Variants in FHIT observed in about 807,000 individuals in gnomAD.
FHIT encodes the protein fragile histidine triad diadenosine triphosphatase.
In FHIT, 19 loss-of-function variants were observed where a neutral mutation model predicts 17.9. The observed-to-expected ratio is 1.06, with a 90% CI of 0.74 to 1.56. FHIT has a LOEUF of 1.56. Among genes scored for constraint, FHIT ranks in the 40% most tolerant of loss-of-function variants. FHIT has a pLI of 0.00. For synonymous variants in FHIT, 81 were observed against 69.7 expected, an observed-to-expected ratio of 1.16 and a Z score of -0.81; for missense variants, 248 against 189.2, an observed-to-expected ratio of 1.31 and a Z score of -1.82.
intron 5 of FHIT, among the ~76,000 whole-genome samples, chr3:60,483,738 A>T (rs1348216665): frequency 6.6e-6 from 1 of 152,146 alleles, no homozygotes; most frequent in Admixed American, 6.5e-5. Context: ...AATGGGTAAA[A>T]CCTGGAAGCA....
intron 4 of FHIT, among the ~76,000 whole-genome samples, chr3:60,679,377 C>T (rs1357161006): frequency 4.6e-5 from 7 of 152,156 alleles, no homozygotes; most frequent in Admixed American, 2.0e-4. Context: ...TACAGAAAAA[C>T]ATTTTTAAAA....
chr3:59,845,649 A>T (rs968060612), intron 8 of FHIT, among the ~76,000 whole-genome samples: 2 of 152,070 alleles, frequency 1.3e-5, no homozygotes, highest in African/African-American at 4.8e-5. Context: ...CACTCTGTAC[A>T]ATGTCTGTCT....
intron 3 of FHIT, among the ~76,000 whole-genome samples, chr3:60,967,870 AG>A (rs1251694251): frequency 2.6e-5 from 4 of 152,248 alleles, no homozygotes; most frequent in African/African-American, 9.6e-5. Context: ...AAGAGGGCTC[AG>A]CCATATTCAA....
At chr3:59,911,108 G>C (rs1704851052) in intron 8 of FHIT, among the ~76,000 whole-genome samples, 1 of 152,118 alleles carries the variant, frequency 6.6e-6, no homozygotes, top group Admixed American at 6.5e-5. Context: ...TTCTTGGTCT[G>C]ATTATTTGTG....
intron 4 of FHIT, among the ~76,000 whole-genome samples, chr3:60,773,623 G>C (rs555665707): frequency 6.8e-4 from 104 of 152,292 alleles, no homozygotes; most frequent in African/African-American, 2.3e-3. Flanking sequence ...GTTGTAACTA[G>C]AGCTTCCTAC....
At chr3:60,144,881 T>C (rs1700175625) in intron 5 of FHIT, among the ~76,000 whole-genome samples, 1 of 152,214 alleles carries the variant, frequency 6.6e-6, no homozygotes, top group Admixed American at 6.5e-5. Context: ...TTCTTAAATA[T>C]GAAGCTTCTG....
At chr3:60,618,803 A>T (rs1206624460) in intron 4 of FHIT, among the ~76,000 whole-genome samples, 4 of 152,198 alleles carry the variant, frequency 2.6e-5, no homozygotes, top group African/African-American at 7.2e-5. Context: ...GAGGCAAAAG[A>T]GGTCAGAATG....
At chr3:60,890,839 C>A (rs1553760507) in intron 3 of FHIT, among the ~76,000 whole-genome samples, 1 of 152,158 alleles carries the variant, frequency 6.6e-6, no homozygotes, top group East Asian at 1.9e-4. Flanking sequence ...TCCCTTCAGG[C>A]AACTTGGAGC....
chr3:61,181,933 TG>T (rs1342358101), intron 2 of FHIT, among the ~76,000 whole-genome samples: 1 of 152,242 alleles, frequency 6.6e-6, no homozygotes, highest in Non-Finnish European at 1.5e-5. Context: ...CTATTCTTTC[TG>T]GCTACTGGAC....
intron 1 of FHIT, among the ~76,000 whole-genome samples, chr3:61,248,277 T>G (rs930571550): frequency 6.6e-6 from 1 of 151,438 alleles, no homozygotes; most frequent in Non-Finnish European, 1.5e-5. Context: ...TGGTGGAAGC[T>G]GAATGATCAG....
At chr3:59,775,080 C>A (rs1383883922) in intron 8 of FHIT, among the ~76,000 whole-genome samples, 1 of 152,156 alleles carries the variant, frequency 6.6e-6, no homozygotes, top group Non-Finnish European at 1.5e-5. Context: ...TTCCCAGTTT[C>A]GACTCATGTG....
intron 5 of FHIT, among the ~76,000 whole-genome samples, chr3:60,161,220 T>C (rs144352239): frequency 4.6e-5 from 7 of 152,236 alleles, no homozygotes; most frequent in African/African-American, 1.7e-4. Context: ...TCGGTAGCAT[T>C]GCCAACTGCG....
At chr3:60,497,855 A>C (rs933733789) in intron 5 of FHIT, among the ~76,000 whole-genome samples, 1 of 152,130 alleles carries the variant, frequency 6.6e-6, no homozygotes, top group African/African-American at 2.4e-5. Flanking sequence ...TCCCAACCTC[A>C]TGGGTTTCAG....
chr3:60,593,921 A>C (rs1272907072), intron 4 of FHIT, among the ~76,000 whole-genome samples: 3 of 152,218 alleles, frequency 2.0e-5, no homozygotes, highest in African/African-American at 7.2e-5. Context: ...TTCTAAGACC[A>C]AATATTCTCC....
intron 4 of FHIT, among the ~76,000 whole-genome samples, chr3:60,711,045 C>T (rs764846207): frequency 6.6e-6 from 1 of 152,166 alleles, no homozygotes; most frequent in African/African-American, 2.4e-5. Flanking sequence ...AGACTGACAC[C>T]TCACACGGCT....
intron 5 of FHIT, among the ~76,000 whole-genome samples, chr3:60,254,807 A>C (rs1036525603): frequency 6.6e-6 from 1 of 152,184 alleles, no homozygotes; most frequent in African/African-American, 2.4e-5. Context: ...AGGAATCTAA[A>C]TTACAATTGT....
intron 3 of FHIT, among the ~76,000 whole-genome samples, chr3:60,953,484 G>A (rs1257874029): frequency 6.6e-6 from 1 of 151,894 alleles, no homozygotes; most frequent in African/African-American, 2.4e-5. Context: ...AAAATATCCT[G>A]AAGGGAGGGA....
intron 2 of FHIT, chr3:61,167,104 A>G (rs2037861321): frequency 6.6e-6 from 1 of 152,168 alleles, no homozygotes; most frequent in Non-Finnish European, 1.5e-5. Flanking sequence ...AAAATCCGGT[A>G]AGTGGAAATA....
chr3:60,190,018 C>G (rs1702331287), intron 5 of FHIT, among the ~76,000 whole-genome samples: 1 of 152,178 alleles, frequency 6.6e-6, no homozygotes. Context: ...TTAATGATGA[C>G]TTCCATTCAG....
Sources: allele counts gnomAD v4.1 joint callset (sites outside exome capture counted in the v4.1 genomes callset), GRCh38; gene constraint gnomAD v4.1.1; transcripts MANE v1.5; gene names NCBI Gene and HGNC (gene_info 2026-07-23, HGNC 2026-07-21).